The following CDYL variants were observed in gnomAD, a reference collection of about 807,000 sequenced individuals.
The protein encoded by CDYL is chromodomain Y like.
CDYL carries 8 observed loss-of-function variants against 47.3 expected under a neutral mutation model. The observed-to-expected ratio is 0.17, with a 90% CI of 0.10 to 0.31. The LOEUF (loss-of-function observed/expected upper bound fraction) is 0.31, where lower values mean the gene tolerates loss of function less well. Ranked by LOEUF, CDYL falls within the 10% of genes least tolerant of loss-of-function variation. The pLI is 1.00. For missense variants in CDYL, 471 were observed against 701.4 expected (o/e 0.67, Z 3.71); for synonymous variants, 266 against 265.0 (o/e 1.00, Z -0.04).
intron 2 of CDYL, among the ~76,000 whole-genome samples, chr6:4,931,240 TTGG>T (rs1758025467): frequency 6.6e-6 from 1 of 152,174 alleles, no homozygotes; most frequent in Admixed American, 6.5e-5. Context: ...CTTACACAGC[TTGG>T]TGGAGTACAT....
chr6:4,852,200 G>A (rs1760848704), intron 1 of CDYL, among the ~76,000 whole-genome samples: 1 of 152,252 alleles, frequency 6.6e-6, no homozygotes, highest in East Asian at 1.9e-4. Context: ...GTTACAATTG[G>A]AAGATTTTCT....
At chr6:4,717,145 G>A (rs148549516) in intron 2 of CDYL, among the ~76,000 whole-genome samples, 99 of 152,246 alleles carry the variant, frequency 6.5e-4, no homozygotes, top group African/African-American at 2.2e-3. Flanking sequence ...AGAGGTTGTC[G>A]TGGCTGGAGC....
At chr6:4,893,290 GCTCT>G (rs1178532122) in intron 2 of CDYL, among the ~76,000 whole-genome samples, 1 of 152,174 alleles carries the variant, frequency 6.6e-6, no homozygotes, top group African/African-American at 2.4e-5. Flanking sequence ...CCTCTGGCTC[GCTCT>G]CTCTGTCAGC....
chr6:4,707,106 C>G (rs531138005), intron 1 of CDYL, among the ~76,000 whole-genome samples: 1 of 152,158 alleles, frequency 6.6e-6, no homozygotes, highest in East Asian at 1.9e-4. Flanking sequence ...AGTCAAATAT[C>G]CAAGAAGAGG....
chr6:4,909,904 A>C (rs1425763080), intron 2 of CDYL, among the ~76,000 whole-genome samples: 1 of 151,802 alleles, frequency 6.6e-6, no homozygotes, highest in Non-Finnish European at 1.5e-5. Flanking sequence ...GGCCTACAGG[A>C]CCCTTTGGGG....
chr6:4,823,879 A>G (rs552680756), intron 1 of CDYL, among the ~76,000 whole-genome samples: 1 of 152,344 alleles, frequency 6.6e-6, no homozygotes, highest in African/African-American at 2.4e-5. Flanking sequence ...ACCATTATGT[A>G]AAAACTCCCC....
chr6:4,869,326 C>T (rs976168685), intron 1 of CDYL, among the ~76,000 whole-genome samples: 5 of 152,066 alleles, frequency 3.3e-5, no homozygotes, highest in South Asian at 2.1e-4. Flanking sequence ...AAACTCCTGA[C>T]CTCAGGTGAT....
intron 5 of CDYL, among the ~76,000 whole-genome samples, chr6:4,951,260 G>C (rs1758694010): frequency 6.6e-6 from 1 of 152,156 alleles, no homozygotes; most frequent in African/African-American, 2.4e-5. Context: ...TGTGACATCA[G>C]AGTTGTTAGG....
At chr6:4,938,098 C>G (rs1361190139) in intron 4 of CDYL, among the ~76,000 whole-genome samples, 1 of 152,202 alleles carries the variant, frequency 6.6e-6, no homozygotes, top group Admixed American at 6.5e-5. Context: ...ATGTTCTGTC[C>G]TCAACCCCTA....
At chr6:4,946,847 C>T (rs1758536317) in intron 5 of CDYL, among the ~76,000 whole-genome samples, 1 of 152,202 alleles carries the variant, frequency 6.6e-6, no homozygotes, top group Non-Finnish European at 1.5e-5. Context: ...GCACTGACCA[C>T]AGGCTCCATA....
intron 5 of CDYL, among the ~76,000 whole-genome samples, chr6:4,950,584 G>A (rs901490378): frequency 1.3e-5 from 2 of 152,124 alleles, no homozygotes; most frequent in South Asian, 2.1e-4. Context: ...TTTATGGACC[G>A]TCTTTTCACT....
In CDYL at chr6:4,815,061, G is replaced by A. The variant is rs182645078; in HGVS notation, c.24+38254G>A. Among the ~76,000 whole-genome samples the A allele has an allele frequency of 2.6e-5, 4 of 151,634 alleles. No individual in the cohort carries two copies. In the East Asian group the frequency reaches 5.9e-4, roughly 22 times the overall value. ...TGCCTTCTCTTCAATCCCAAAGTCC[G>A]ATTTTTAAAGCTGCCAGTAGGAACT... On this transcript the variant is annotated intron_variant, in intron 1 of 6. Transcript: ENST00000397588.
intron 3 of CDYL, among the ~76,000 whole-genome samples, chr6:4,750,180 A>C (rs571713452): frequency 6.6e-6 from 1 of 152,026 alleles, no homozygotes; most frequent in East Asian, 1.9e-4. Flanking sequence ...CCTTGCAAAA[A>C]AAAGTTTTTA....
At chr6:4,792,767 T>A (rs1257660458) in intron 1 of CDYL, among the ~76,000 whole-genome samples, 1 of 152,138 alleles carries the variant, frequency 6.6e-6, no homozygotes, top group Admixed American at 6.5e-5. Flanking sequence ...TAAGAAATCC[T>A]TCCTACCCCA....
In CDYL at chr6:4,890,056, A is replaced by G. The variant is rs990816275; in HGVS notation, c.25-1657A>G. 2.7e-5 allele frequency: 27 copies of G among 985,392 alleles called. No homozygotes were observed. In the African/African-American group the frequency reaches 4.2e-4, roughly 15 times the overall value. The allele number at this position is 985,392 out of a possible 1,614,324, so 61.0% of individuals were successfully genotyped here. On this transcript the variant is annotated intron_variant, in intron 1 of 6. Transcript: ENST00000397588. Reference sequence around the variant, plus strand: ...CAGGCTCCTGCCTCGGCTCTAAGGAAACAGAGGAAAGCAAACGGGAATACT... The same window carrying G: ...CAGGCTCCTGCCTCGGCTCTAAGGAGACAGAGGAAAGCAAACGGGAATACT...
At position 4,797,994 on chromosome 6, in the gene CDYL, A is replaced by G. The variant is rs537492645; in HGVS notation, c.24+21187A>G. 2.0e-5 allele frequency among the ~76,000 whole-genome samples: 3 copies of G among 151,328 alleles called. 1 individual carries two copies. Among genetic ancestry groups the G allele is most frequent in the Non-Finnish European group, 4.4e-5 (3 of 67,872 alleles). ...TTTTCTTTTCTTCCTTTTTTTGGAG[A>G]CAGGATTTTATTCTGTTGCCCAGGC... On this transcript the variant is annotated intron_variant, in intron 1 of 6. Transcript: ENST00000397588.
intron 1 of CDYL, among the ~76,000 whole-genome samples, chr6:4,780,239 C>CT (rs1395703523): frequency 0.016 from 2,266 of 145,428 alleles, 49 homozygotes; most frequent in African/African-American, 0.05. Context: ...CTTTCTTTCT[C>CT]TTTTTTTTTT....
At chr6:4,875,907 CAGCA>C (rs1210031461) in intron 1 of CDYL, among the ~76,000 whole-genome samples, 1 of 152,202 alleles carries the variant, frequency 6.6e-6, no homozygotes, top group Non-Finnish European at 1.5e-5. Context: ...ATACCTTATT[CAGCA>C]AGCATTTCAT....
At chr6:4,887,044 A>G (rs1404166696) in intron 1 of CDYL, among the ~76,000 whole-genome samples, 1 of 152,210 alleles carries the variant, frequency 6.6e-6, no homozygotes, top group African/African-American at 2.4e-5. Flanking sequence ...CTATTCCATT[A>G]GGCTATATGT....
Sources: gnomAD v4.1 joint callset for allele counts (sites outside exome capture counted in the v4.1 genomes callset) on GRCh38, gnomAD v4.1.1 for gene constraint, MANE v1.5 for transcripts, NCBI Gene and HGNC (gene_info 2026-07-23, HGNC 2026-07-21) for gene names.